MMP16: variants seen among roughly 807,000 people sequenced by gnomAD.
The protein encoded by MMP16 is matrix metallopeptidase 16.
A neutral mutation model predicts 67.8 loss-of-function variants in MMP16; 12 were observed. That is an observed-to-expected ratio of 0.18 (90% CI 0.11 to 0.29). MMP16 has a LOEUF of 0.29. Among genes scored for constraint, MMP16 ranks in the 10% least tolerant of loss-of-function variants. The pLI is 1.00. For missense variants in MMP16, 475 were observed against 765.7 expected (o/e 0.62, Z 4.48); for synonymous variants, 249 against 255.9 (o/e 0.97, Z 0.26).
intron 1 of MMP16, among the ~76,000 whole-genome samples, chr8:88,305,231 A>G (rs1811194737): frequency 6.6e-6 from 1 of 152,236 alleles, no homozygotes. Context: ...GTTCAATTCA[A>G]AAAGAAGAGT....
At position 88,164,630 on chromosome 8, in the gene MMP16, G is replaced by T. The variant is rs1248561071; in HGVS notation, c.709+3039C>A. Among the ~76,000 whole-genome samples, 14 of 151,968 alleles carry T rather than the reference G, an allele frequency of 9.2e-5. No individual in the cohort carries two copies. In the Admixed American group the frequency reaches 9.2e-4, roughly 10 times the overall value. ...AATTCTGAAACACTATTATTTTGCA[G>T]GGTCCTTTCCTTCAGGCTCATTCAC... On this transcript the variant is annotated intron_variant, in intron 4 of 9. Coordinates refer to ENST00000286614, the MANE Select transcript of MMP16 (RefSeq NM_005941.5).
chr8:88,089,847 C>A (rs1024837438), intron 6 of MMP16, among the ~76,000 whole-genome samples: 1 of 151,546 alleles, frequency 6.6e-6, no homozygotes, highest in Non-Finnish European at 1.5e-5. Flanking sequence ...AACCATACTG[C>A]AGATAATTAA....
chr8:88,152,766 T>G (rs1808432225), intron 4 of MMP16, among the ~76,000 whole-genome samples: 2 of 27,848 alleles, frequency 7.2e-5, no homozygotes, highest in African/African-American at 1.6e-4. Context: ...TCATACTGAA[T>G]GGGCAAAAAC....
At position 88,033,955 on chromosome 8, in the gene MMP16, T is replaced by C. The variant is rs978367580; in HGVS notation, c.*7506A>G. Reference sequence around the variant, plus strand: ...TACTGTGACTACTTTCCTGTATAATTATTTAAGATACATTCTCCAAAAGCA... The same window carrying C: ...TACTGTGACTACTTTCCTGTATAATCATTTAAGATACATTCTCCAAAAGCA... On this transcript the variant is annotated 3_prime_UTR_variant, in exon 10 of 10. Coordinates refer to ENST00000286614, the MANE Select transcript of MMP16 (RefSeq NM_005941.5). 2 of 152,050 alleles carry C rather than the reference T, an allele frequency of 1.3e-5. No homozygotes were observed. Among genetic ancestry groups the C allele is most frequent in the African/African-American group, 4.8e-5 (2 of 41,426 alleles). 9.4% of individuals were successfully genotyped at this position (152,050 alleles called of 1,614,324 possible).
At chr8:88,127,154 A>C (rs994665357) in intron 4 of MMP16, among the ~76,000 whole-genome samples, 3 of 151,900 alleles carry the variant, frequency 2.0e-5, no homozygotes, top group Admixed American at 2.0e-4. Flanking sequence ...ATGCAAACAT[A>C]TGTGAGTGAC....
At chr8:88,206,468 C>A (rs1284842096) in intron 1 of MMP16, among the ~76,000 whole-genome samples, 1 of 151,964 alleles carries the variant, frequency 6.6e-6, no homozygotes, top group Non-Finnish European at 1.5e-5. Flanking sequence ...GTTAGGAAAC[C>A]GCATGTCTAA....
intron 1 of MMP16, among the ~76,000 whole-genome samples, chr8:88,313,043 T>C (rs1398272038): frequency 1.3e-5 from 2 of 152,218 alleles, no homozygotes; most frequent in Admixed American, 1.3e-4. Context: ...TCACACAGTA[T>C]GTGCTCTTTT....
At chr8:88,091,700 C>T (rs28991871) in intron 6 of MMP16, among the ~76,000 whole-genome samples, 4 of 151,724 alleles carry the variant, frequency 2.6e-5, no homozygotes, top group Non-Finnish European at 2.9e-5. Context: ...TCAATTAATA[C>T]GTCCCCAAAC....
intron 4 of MMP16, among the ~76,000 whole-genome samples, chr8:88,148,983 G>A (rs1277181306): frequency 2.6e-5 from 4 of 152,228 alleles, no homozygotes; most frequent in Non-Finnish European, 5.9e-5. Context: ...CCAGACAGTG[G>A]GCGCAGGCCA....
chr8:88,181,993 C>T (rs1029610958), intron 3 of MMP16, among the ~76,000 whole-genome samples: 3 of 152,014 alleles, frequency 2.0e-5, no homozygotes, highest in African/African-American at 7.2e-5. Context: ...TATACACTCT[C>T]AAACATTTAT....
intron 7 of MMP16, among the ~76,000 whole-genome samples, chr8:88,057,838 A>G (rs1808350259): frequency 1.3e-5 from 2 of 152,256 alleles, no homozygotes; most frequent in South Asian, 4.1e-4. Flanking sequence ...CCAGGTACTA[A>G]GGATACCACA....
At position 88,112,801 on chromosome 8, in the gene MMP16, A is replaced by G. The variant is rs1809360674; in HGVS notation, c.1083+3706T>C. Among the ~76,000 whole-genome samples, 4 of 151,956 alleles carry G rather than the reference A, an allele frequency of 2.6e-5. No individual in the cohort carries two copies. The South Asian group carries it at 8.3e-4, about 31-fold the overall frequency. On this transcript the variant is annotated intron_variant, in intron 6 of 9. Coordinates refer to ENST00000286614, the MANE Select transcript of MMP16 (RefSeq NM_005941.5). ...AGTACAATGTAAATCAAATCCTCTG[A>G]GAAGAAGCTCACAACCAAAAAGCAT...
Position 88,327,061 on chromosome 8 carries a change from C to G in MMP16, c.132+14G>C, listed in dbSNP as rs368329268. ...CAGGCAGCGGGGGGAGGAAGAAAGCCCTCGCACTCTTACCTCCACATTGAA... is the reference window on the plus strand; with the variant it reads ...CAGGCAGCGGGGGGAGGAAGAAAGCGCTCGCACTCTTACCTCCACATTGAA... On this transcript the variant is annotated intron_variant, in intron 1 of 9. Coordinates refer to ENST00000286614, the MANE Select transcript of MMP16 (RefSeq NM_005941.5). 1.2e-5 allele frequency: 19 copies of G among 1,613,594 alleles called. No individual in the cohort carries two copies. The African/African-American group carries it at 1.6e-4, about 14-fold the overall frequency.
chr8:88,097,625 C>CAAAAAAAAAAAAAAAAA (rs34488162), intron 6 of MMP16, among the ~76,000 whole-genome samples: 1 of 67,496 alleles, frequency 1.5e-5, no homozygotes, highest in Non-Finnish European at 2.7e-5. Context: ...AACCCTGTCT[C>CAAAAAAAAAAAAAAAAA]AAAAAAAAAA....
chr8:88,282,637 T>C (rs552527851), intron 1 of MMP16, among the ~76,000 whole-genome samples: 1 of 152,312 alleles, frequency 6.6e-6, no homozygotes, highest in African/African-American at 2.4e-5. Context: ...GAATTAGAAA[T>C]GTTTTTATTG....
intron 1 of MMP16, among the ~76,000 whole-genome samples, chr8:88,212,021 C>T (rs1809520080): frequency 2.1e-5 from 3 of 141,624 alleles, no homozygotes; most frequent in Non-Finnish European, 1.5e-5. Context: ...CCTATGTTCA[C>T]ACTGGCCCCA....
At chr8:88,210,063 C>T (rs1240931357) in intron 1 of MMP16, among the ~76,000 whole-genome samples, 3 of 152,242 alleles carry the variant, frequency 2.0e-5, no homozygotes, top group East Asian at 1.9e-4. Flanking sequence ...TGGCAGTCTA[C>T]AGCCTGGAAG....
intron 1 of MMP16, among the ~76,000 whole-genome samples, chr8:88,288,979 G>A (rs914324112): frequency 6.6e-6 from 1 of 152,200 alleles, no homozygotes; most frequent in African/African-American, 2.4e-5. Context: ...ATTTCAATTT[G>A]TTGGTACAAA....
At chr8:88,295,153 G>A (rs1337343588) in intron 1 of MMP16, among the ~76,000 whole-genome samples, 1 of 152,168 alleles carries the variant, frequency 6.6e-6, no homozygotes, top group Non-Finnish European at 1.5e-5. Context: ...AAAGGAAACA[G>A]TAATCAAACC....
Sources: gnomAD v4.1 joint callset for allele counts (sites outside exome capture counted in the v4.1 genomes callset) on GRCh38, gnomAD v4.1.1 for gene constraint, MANE v1.5 for transcripts, NCBI Gene and HGNC (gene_info 2026-07-23, HGNC 2026-07-21) for gene names.